SYNE1: variants seen among roughly 807,000 people sequenced by gnomAD.
SYNE1 encodes the protein spectrin repeat containing nuclear envelope protein 1, also known as nesprin-1.
SYNE1 carries 616 observed loss-of-function variants against 1,111.0 expected under a neutral mutation model. That is an observed-to-expected ratio of 0.55 (90% CI 0.52 to 0.59). The LOEUF (loss-of-function observed/expected upper bound fraction) is 0.59, where lower values mean the gene tolerates loss of function less well. Among genes scored for constraint, SYNE1 ranks in the 20% least tolerant of loss-of-function variants. The probability of loss-of-function intolerance (pLI) is 0.00; values close to 1 mark genes in which losing one functional copy is unlikely to be tolerated. For missense variants in SYNE1, 10,006 were observed against 10,417.0 expected, an observed-to-expected ratio of 0.96 and a Z score of 1.72; for synonymous variants, 3,855 against 3,825.8, an observed-to-expected ratio of 1.01 and a Z score of -0.28.
intron 123 of SYNE1, among the ~76,000 whole-genome samples, chr6:152,212,137 C>T (rs1212746448): frequency 2.0e-5 from 3 of 152,164 alleles, no homozygotes; most frequent in Admixed American, 6.5e-5. Context: ...TAACAATTCA[C>T]ATACCATACA....
chr6:152,493,311 T>A (rs1266815864), intron 11 of SYNE1, among the ~76,000 whole-genome samples: 1 of 152,078 alleles, frequency 6.6e-6, no homozygotes, highest in Non-Finnish European at 1.5e-5. Flanking sequence ...TACTCTCCTA[T>A]CCTCAATACC....
intron 4 of SYNE1, among the ~76,000 whole-genome samples, chr6:152,531,397 G>A (rs1163867260): frequency 6.6e-6 from 1 of 152,174 alleles, no homozygotes; most frequent in Non-Finnish European, 1.5e-5. Context: ...ATGTGTTCTA[G>A]TGGATAGTGA....
intron 56 of SYNE1, 45 bp downstream of exon 56, chr6:152,380,960 AT>A (rs1308231673): frequency 2.5e-6 from 4 of 1,591,582 alleles, no homozygotes; most frequent in South Asian, 1.1e-5. Flanking sequence ...AAGTCAAAAC[AT>A]TTTTTAAAGC....
chr6:152,357,887 A>ATT lies in SYNE1; in HGVS notation c.10608+484_10608+485dup, dbSNP rs567914472. ...CCCGCTGGCCTGGGCACTAACACTT[A>ATT]TTTTTTTTTACTTCTGTAATTCCTT... On this transcript the variant is annotated intron_variant, in intron 66 of 145. Transcript: ENST00000367255. 1.7e-3 allele frequency among the ~76,000 whole-genome samples: 251 copies of ATT among 151,494 alleles called. 1 individual carries two copies. The highest frequency in any genetic ancestry group is 6.0e-3 in the African/African-American group (246 of 41,306).
At chr6:152,560,536 C>G (rs973216469) in intron 3 of SYNE1, among the ~76,000 whole-genome samples, 5 of 152,090 alleles carry the variant, frequency 3.3e-5, no homozygotes, top group Non-Finnish European at 7.4e-5. Context: ...CCAATCTTTC[C>G]CAAACTGTTT....
rs2154051145 is a variant in SYNE1, at chr6:152,354,920, G to A, written c.10665C>T (p.Thr3555=). The A allele has an allele frequency of 6.2e-7, 1 of 1,614,076 alleles. No homozygotes were observed. Among genetic ancestry groups the A allele is most frequent in the Non-Finnish European group, 8.5e-7 (1 of 1,180,026 alleles). ...GQALLNSVLH[T]REDVIPSGIP... is the part of the protein sequence containing the mutation. ...TACCTGATGGGATCACATCCTCTCTGGTGTGCAGCACTGAGTTCAACAGGG... is the reference window on the plus strand; with the variant it reads ...TACCTGATGGGATCACATCCTCTCTAGTGTGCAGCACTGAGTTCAACAGGG... Residue 3555 remains threonine (T), a synonymous_variant, in exon 67 of 146, where the codon ACC becomes ACT. Coordinates refer to ENST00000367255, the MANE Select transcript of SYNE1 (RefSeq NM_182961.4).
In SYNE1 at chr6:152,293,682, T is replaced by A. The variant is rs755906952; in HGVS notation, c.17918A>T (p.Gln5973Leu). ...ERQQKYQDSL[Q>L]SISTKMEAIE... ...GGCCTCCATCTTCGTAGAGATGGAC[T>A]GGAGGGAGTCCTGGTACTTCTGCTG... Residue 5973 changes from glutamine to leucine, a missense_variant, in exon 95 of 146, where the codon CAG becomes CTG. Around this residue, in one of 7 missense-constraint regions of SYNE1, gnomAD observed 4,955 missense variants for 5,017.2 expected, o/e 0.99. Coordinates refer to ENST00000367255, the MANE Select transcript of SYNE1 (RefSeq NM_182961.4). 6.8e-6 allele frequency: 11 copies of A among 1,614,190 alleles called. No individual in the cohort carries two copies. Among genetic ancestry groups the A allele is most frequent in the South Asian group, 2.2e-5 (2 of 91,088 alleles).
intron 115 of SYNE1, among the ~76,000 whole-genome samples, chr6:152,229,641 A>T (rs987083333): frequency 1.3e-5 from 2 of 152,212 alleles, no homozygotes; most frequent in African/African-American, 2.4e-5. Context: ...GGACATACAG[A>T]GGAGAGAAGA....
At chr6:152,234,587 G>T in intron 111 of SYNE1, 81 bp downstream of exon 111, 17 of 1,568,506 alleles carry the variant, frequency 1.1e-5, no homozygotes, top group Middle Eastern at 1.7e-4. Flanking sequence ...CACCGCACCC[G>T]GCCTGACTTC....
chr6:152,369,666 C>T, intron 59 of SYNE1, 52 bp from the exon 60 acceptor site: 1 of 1,605,156 alleles, frequency 6.2e-7, no homozygotes, highest in African/African-American at 1.3e-5. Flanking sequence ...AATAGCAAGT[C>T]CAAGGTCCTT....
In SYNE1 at chr6:152,122,264, T is replaced by C; in HGVS notation, c.*172A>G. The C allele has an allele frequency of 1.0e-6, 1 of 991,088 alleles. No homozygotes were observed. The highest frequency in any genetic ancestry group is 1.5e-6 in the Non-Finnish European group (1 of 656,712). 61.4% of individuals were successfully genotyped at this position (991,088 alleles called of 1,614,324 possible). On this transcript the variant is annotated 3_prime_UTR_variant, in exon 146 of 146. Transcript: ENST00000367255. Reference sequence around the variant, plus strand: ...GTCTGTTTGTTCCCCCGTCACTGTTTATCTTCCACCTCTGAAGCCATAATT... The same window carrying C: ...GTCTGTTTGTTCCCCCGTCACTGTTCATCTTCCACCTCTGAAGCCATAATT...
chr6:152,495,636 C>A (rs1220819369), intron 11 of SYNE1, among the ~76,000 whole-genome samples: 1 of 152,168 alleles, frequency 6.6e-6, no homozygotes, highest in Non-Finnish European at 1.5e-5. Context: ...ATTCTGATTA[C>A]CTGTTCCACC....
intron 73 of SYNE1, among the ~76,000 whole-genome samples, chr6:152,345,769 T>G (rs1194150530): frequency 6.6e-6 from 1 of 152,206 alleles, no homozygotes; most frequent in Non-Finnish European, 1.5e-5. Flanking sequence ...TTAAAAATTC[T>G]AGAATAATAG....
At chr6:152,544,616 GT>G (rs1273895941) in intron 3 of SYNE1, among the ~76,000 whole-genome samples, 5 of 151,820 alleles carry the variant, frequency 3.3e-5, no homozygotes, top group African/African-American at 1.2e-4. Context: ...TATTTTCTCA[GT>G]GTTTTGCCAT....
At chr6:152,439,003 A>G (rs1486564345) in intron 32 of SYNE1, among the ~76,000 whole-genome samples, 1 of 152,220 alleles carries the variant, frequency 6.6e-6, no homozygotes, top group East Asian at 1.9e-4. Context: ...GTTCATCACC[A>G]ACTTTGTGCC....
intron 40 of SYNE1, among the ~76,000 whole-genome samples, chr6:152,419,150 T>C (rs2098215041): frequency 6.6e-6 from 1 of 152,184 alleles, no homozygotes; most frequent in Non-Finnish European, 1.5e-5. Context: ...TCCATATGCA[T>C]AATTTATAAA....
intron 72 of SYNE1, among the ~76,000 whole-genome samples, chr6:152,347,631 A>G (rs557722389): frequency 1.4e-4 from 21 of 151,196 alleles, no homozygotes; most frequent in African/African-American, 4.9e-4. Flanking sequence ...ACTTTATATA[A>G]TATCTTATTT....
intron 124 of SYNE1, among the ~76,000 whole-genome samples, chr6:152,209,087 A>G (rs1453102082): frequency 6.6e-6 from 1 of 152,236 alleles, no homozygotes; most frequent in Non-Finnish European, 1.5e-5. Context: ...TATGTAGATT[A>G]CAGTGTTATT....
chr6:152,390,347 G>T lies in SYNE1; in HGVS notation c.8110C>A (p.Gln2704Lys), dbSNP rs1374627298. 3 of 1,614,114 alleles carry T rather than the reference G, an allele frequency of 1.9e-6. No homozygotes were observed. Among genetic ancestry groups the T allele is most frequent in the Non-Finnish European group, 2.5e-6 (3 of 1,180,016 alleles). The stretch of plus-strand genomic sequence containing the variant: ...TCTTTAAGGGTCTCTAACTGAGTCT[G>T]AATCACCCTCTGACCTTCTTTGTTG... ...SSNKEGQRVI[Q>K]TQLETLKEVW... Residue 2704 changes from glutamine (Q) to lysine (K), a missense_variant, in exon 53 of 146, where the codon CAG becomes AAG. Gln to Lys is a moderately conservative substitution (Grantham distance 53). Transcript: ENST00000367255.
Sources: gnomAD v4.1 joint callset for allele counts (sites outside exome capture counted in the v4.1 genomes callset) on GRCh38, gnomAD v4.1.1 for gene constraint, gnomAD v4.1.1 regional missense constraint, MANE v1.5 for transcripts, NCBI Gene and HGNC (gene_info 2026-07-23, HGNC 2026-07-21) for gene names.